POGLUT1: variants seen among roughly 807,000 people sequenced by gnomAD.
POGLUT1 encodes the protein 9630046K23Rik.
Under a neutral mutation model 61.3 loss-of-function variants are expected in POGLUT1, and 32 were observed. The observed-to-expected ratio is 0.52, with a 90% confidence interval of 0.39 to 0.70. POGLUT1 has a LOEUF of 0.70. POGLUT1 is among the 30% of genes least tolerant of loss of function. The pLI is 0.00. For synonymous variants in POGLUT1, 158 were observed against 158.2 expected (o/e 1.00, Z 0.01); for missense variants, 411 against 469.8 (o/e 0.87, Z 1.16).
chr3:119,490,695 C>A lies in POGLUT1; in HGVS notation c.942C>A (p.Val314=). ...AGCCATGGGTTCACTATATCCCAGT[C>A]AAAACAGATCTCTCCAATGTCCAGT... ...QLKPWVHYIP[V]KTDLSNVQEL... The change falls in exon 9 of 11, where the codon GTC becomes GTA. Residue 314 remains valine, a synonymous_variant. Coordinates refer to ENST00000295588, the MANE Select transcript of POGLUT1 (RefSeq NM_152305.3). 6.2e-7 allele frequency: 1 copy of A among 1,613,990 alleles called. No homozygotes were observed. The highest frequency in any genetic ancestry group is 1.1e-5 in the South Asian group (1 of 91,056).
At chr3:119,471,697 G>A in intron 3 of POGLUT1, 1 of 465,494 alleles carries the variant, frequency 2.1e-6, no homozygotes, top group Non-Finnish European at 3.9e-6. Context: ...TGCCTCTTCT[G>A]CTCCTTCCCT....
At chr3:119,478,156 T>G in intron 4 of POGLUT1, 2 of 344,836 alleles carry the variant, frequency 5.8e-6, no homozygotes, top group South Asian at 2.3e-5. Context: ...GGAAAGCATT[T>G]GGGGGTGAAG....
At chr3:119,474,535 T>C (rs2081513957) in intron 3 of POGLUT1, among the ~76,000 whole-genome samples, 1 of 152,168 alleles carries the variant, frequency 6.6e-6, no homozygotes, top group African/African-American at 2.4e-5. Context: ...TAAGAGAGTA[T>C]ATTTGAAAAG....
intron 4 of POGLUT1, 48 bp downstream of exon 4, chr3:119,477,496 G>C (rs777214505): frequency 6.4e-7 from 1 of 1,569,436 alleles, no homozygotes; most frequent in Admixed American, 1.7e-5. Context: ...GGTCCTCTAG[G>C]ATATGAGCAT....
At chr3:119,486,725 C>G in intron 6 of POGLUT1, 108 bp from the exon 7 acceptor site, 1 of 781,234 alleles carries the variant, frequency 1.3e-6, no homozygotes, top group Middle Eastern at 2.3e-4. Flanking sequence ...GAATTGTCCA[C>G]TTGTGCAGAG....
rs1368051101 is a variant in POGLUT1, at chr3:119,469,107, G to A, written c.85+1G>A. 1.2e-6 allele frequency: 2 copies of A among 1,601,832 alleles called. No homozygotes were observed. The highest frequency in any genetic ancestry group is 1.7e-6 in the Non-Finnish European group (2 of 1,176,068). The stretch of plus-strand genomic sequence containing the variant: ...GCGCAGGGCCGCCAGAAGGAGTCAG[G>A]TGGGCTCCGGGCAGTGCCGAGCCTG... On this transcript the variant is annotated splice_donor_variant, in intron 1 of 10. Transcript: ENST00000295588. LOFTEE classifies it high-confidence loss of function.
intron 4 of POGLUT1, 175 bp from the exon 5 acceptor site, chr3:119,479,876 C>A: frequency 6.8e-7 from 1 of 1,475,380 alleles, no homozygotes; most frequent in Non-Finnish European, 9.1e-7. Context: ...GACTTTTAAT[C>A]CATAGTCACT....
intron 7 of POGLUT1, 106 bp downstream of exon 7, chr3:119,487,038 T>A: frequency 1.3e-6 from 1 of 768,064 alleles, no homozygotes; most frequent in Admixed American, 2.0e-5. Flanking sequence ...AGTGGTGAGG[T>A]GAATGTAAAG....
At chr3:119,475,954 CCACACACACACACACA>C (rs539140166) in intron 3 of POGLUT1, among the ~76,000 whole-genome samples, 6 of 130,950 alleles carry the variant, frequency 4.6e-5, no homozygotes, top group South Asian at 2.6e-4. Flanking sequence ...GACTGTCTCT[CCACACACACACACACA>C]CACACACACA....
intron 5 of POGLUT1, among the ~76,000 whole-genome samples, chr3:119,484,822 A>T (rs2081646790): frequency 6.6e-6 from 1 of 152,210 alleles, no homozygotes; most frequent in African/African-American, 2.4e-5. Context: ...TTGTAGATAC[A>T]ACTGGGTAGC....
chr3:119,475,417 G>A (rs1421008158), intron 3 of POGLUT1, among the ~76,000 whole-genome samples: 1 of 152,176 alleles, frequency 6.6e-6, no homozygotes, highest in East Asian at 1.9e-4. Context: ...CGCAAGCAAT[G>A]CTGCAGTGAA....
intron 3 of POGLUT1, 23 bp from the exon 4 acceptor site, chr3:119,477,289 AT>A: frequency 6.2e-7 from 1 of 1,613,610 alleles, no homozygotes; most frequent in Non-Finnish European, 8.5e-7. Flanking sequence ...ACTCTGCTGA[AT>A]TTATGGTATG....
chr3:119,480,334 C>T (rs1309737005), intron 5 of POGLUT1, among the ~76,000 whole-genome samples, 162 bp downstream of exon 5: 12 of 151,940 alleles, frequency 7.9e-5, no homozygotes, highest in African/African-American at 2.7e-4. Context: ...CCGCAACCTC[C>T]GCCTCCCAGG....
intron 5 of POGLUT1, among the ~76,000 whole-genome samples, chr3:119,482,725 A>G: frequency 6.6e-6 from 1 of 152,154 alleles, no homozygotes; most frequent in East Asian, 1.9e-4. Context: ...TTGTTTATCC[A>G]TCTGCACTGA....
intron 4 of POGLUT1, chr3:119,478,126 C>G: frequency 2.9e-6 from 1 of 340,508 alleles, no homozygotes. Flanking sequence ...CAGGGATGGG[C>G]CTTGGTTCCC....
In POGLUT1 at chr3:119,493,803, A is replaced by ATTTTTTTTTTTT. The variant is rs58233822; in HGVS notation, c.*1375_*1386dup. 70 of 119,892 alleles carry ATTTTTTTTTTTT rather than the reference A, an allele frequency of 5.8e-4. 2 individuals are homozygous for ATTTTTTTTTTTT. The highest frequency in any genetic ancestry group is 2.3e-3 in the African/African-American group (66 of 29,280). 7.4% of individuals were successfully genotyped at this position (119,892 alleles called of 1,614,324 possible). On this transcript the variant is annotated 3_prime_UTR_variant, in exon 11 of 11. Coordinates refer to ENST00000295588, the MANE Select transcript of POGLUT1 (RefSeq NM_152305.3). ...GGAATAAGCAGATGTTTAAAGTTGGATTTTTTTTTTTTTTTTTTTTTGAGT... is the reference window on the plus strand; with the variant it reads ...GGAATAAGCAGATGTTTAAAGTTGGATTTTTTTTTTTTTTTTTTTTTTTTTTTTTTTTTGAGT...
intron 2 of POGLUT1, 31 bp from the exon 3 acceptor site, chr3:119,471,278 G>A (rs2081468523): frequency 2.5e-6 from 4 of 1,611,294 alleles, no homozygotes. Flanking sequence ...CTCTTGGCCT[G>A]CTTTCCTTGA....
At chr3:119,478,580 G>C (rs2107709472) in intron 4 of POGLUT1, 1 of 348,740 alleles carries the variant, frequency 2.9e-6, no homozygotes, top group East Asian at 7.8e-5. Flanking sequence ...CTTCCCTTCT[G>C]TTTTTTAAAT....
At chr3:119,485,559 C>A (rs1184109550) in intron 6 of POGLUT1, among the ~76,000 whole-genome samples, 172 bp downstream of exon 6, 1 of 152,208 alleles carries the variant, frequency 6.6e-6, no homozygotes, top group African/African-American at 2.4e-5. Flanking sequence ...TTGCCGAAAT[C>A]GCCATTGATT....
Sources: allele counts gnomAD v4.1 joint callset (sites outside exome capture counted in the v4.1 genomes callset), GRCh38; gene constraint gnomAD v4.1.1; transcripts MANE v1.5; gene names NCBI Gene and HGNC (gene_info 2026-07-23, HGNC 2026-07-21).